ITGA11: variants seen among roughly 807,000 people sequenced by gnomAD.
ITGA11 encodes integrin alpha-11.
A neutral mutation model predicts 141.9 loss-of-function variants in ITGA11; 97 were observed. The observed-to-expected ratio is 0.68, with a 90% CI of 0.58 to 0.81. The LOEUF is 0.81. Among genes scored for constraint, ITGA11 ranks in the 30% least tolerant of loss-of-function variants. The pLI is 0.00. For missense variants in ITGA11, 1,387 were observed against 1,559.2 expected (o/e 0.89, Z 1.86); for synonymous variants, 658 against 624.6 (o/e 1.05, Z -0.80).
At chr15:68,329,618 T>C (rs1251010377) in intron 15 of ITGA11, among the ~76,000 whole-genome samples, 1 of 152,216 alleles carries the variant, frequency 6.6e-6, no homozygotes, top group Non-Finnish European at 1.5e-5. Context: ...TAGAGAAGTT[T>C]ATATGTTACT....
chr15:68,389,334 C>T (rs968056789), intron 2 of ITGA11, among the ~76,000 whole-genome samples: 1 of 152,214 alleles, frequency 6.6e-6, no homozygotes, highest in African/African-American at 2.4e-5. Flanking sequence ...CTCCCACCAA[C>T]CCACTTATGC....
chr15:68,353,305 A>C (rs931185578), intron 7 of ITGA11, among the ~76,000 whole-genome samples: 1 of 152,190 alleles, frequency 6.6e-6, no homozygotes, highest in African/African-American at 2.4e-5. Flanking sequence ...TAAAAAACCC[A>C]CTAATTTTAG....
Position 68,356,953 on chromosome 15 carries a change from T to C in ITGA11, c.749+198A>G. On this transcript the variant is annotated intron_variant, in intron 7 of 29. Transcript: ENST00000315757. The stretch of plus-strand genomic sequence containing the variant: ...ACCTTCAGATGACAACAGCCCAAGG[T>C]GACACCAGACTGCAACTACCTGAGA... The C allele has an allele frequency of 5.2e-6, 3 of 571,928 alleles. No individual in the cohort carries two copies. The South Asian group carries it at 6.5e-5, about 12-fold the overall frequency. The allele number at this position is 571,928 out of a possible 1,614,324, so 35.4% of individuals were successfully genotyped here. A position where few individuals can be genotyped will look rare whatever the true frequency, so the allele number is the denominator to read the frequency against.
intron 1 of ITGA11, among the ~76,000 whole-genome samples, chr15:68,431,051 G>C (rs964842725): frequency 4.6e-5 from 7 of 152,254 alleles, no homozygotes; most frequent in Admixed American, 1.3e-4. Flanking sequence ...GCCAGTAACC[G>C]AGGCGCTGGC....
intron 1 of ITGA11, among the ~76,000 whole-genome samples, chr15:68,413,543 C>T: frequency 6.6e-6 from 1 of 152,162 alleles, no homozygotes; most frequent in East Asian, 1.9e-4. Flanking sequence ...GAAGTTTGGA[C>T]TAGGGTGGGG....
At chr15:68,359,600 C>G (rs142757083) in intron 5 of ITGA11, among the ~76,000 whole-genome samples, 8 of 151,924 alleles carry the variant, frequency 5.3e-5, no homozygotes, top group African/African-American at 1.9e-4. Flanking sequence ...GAGCCAAGAT[C>G]GGGCCACTAC....
chr15:68,412,414 G>A (rs553725813), intron 1 of ITGA11, among the ~76,000 whole-genome samples: 2 of 152,290 alleles, frequency 1.3e-5, no homozygotes, highest in African/African-American at 4.8e-5. Context: ...CACCGGGCCT[G>A]ATGGCTGGGT....
rs139058747 is a variant in ITGA11 at position 68,419,715 on chromosome 15, C to T, written c.52+12300G>A. Among the ~76,000 whole-genome samples, 1,045 of 152,280 alleles carry T rather than the reference C, an allele frequency of 6.9e-3. 15 individuals carry two copies. Among genetic ancestry groups the T allele is most frequent in the African/African-American group, 0.023 (955 of 41,548 alleles). Reference sequence around the variant, plus strand: ...GCCAAACATTTATTTTAGAAGAGATCGAATGGAAGTCTTGAGAGGTTTGGA... The same window carrying T: ...GCCAAACATTTATTTTAGAAGAGATTGAATGGAAGTCTTGAGAGGTTTGGA... On this transcript the variant is annotated intron_variant, in intron 1 of 29. Transcript: ENST00000315757.
At chr15:68,347,921 TACACACACACAC>T in intron 10 of ITGA11, among the ~76,000 whole-genome samples, 1 of 151,086 alleles carries the variant, frequency 6.6e-6, no homozygotes, top group East Asian at 2.0e-4. Context: ...AGAACACACA[TACACACACACAC>T]ACACACACAC....
At chr15:68,337,677 G>C (rs1894409337) in intron 11 of ITGA11, among the ~76,000 whole-genome samples, 1 of 152,126 alleles carries the variant, frequency 6.6e-6, no homozygotes. Context: ...TGCTGGGCCA[G>C]GGGGATATTC....
At chr15:68,331,407 T>C (rs1894152809) in intron 14 of ITGA11, among the ~76,000 whole-genome samples, 1 of 152,170 alleles carries the variant, frequency 6.6e-6, no homozygotes, top group African/African-American at 2.4e-5. Flanking sequence ...TTTTTTAGGC[T>C]ATTTTACTGA....
chr15:68,415,847 T>G (rs1896875673), intron 1 of ITGA11, among the ~76,000 whole-genome samples: 1 of 152,204 alleles, frequency 6.6e-6, no homozygotes, highest in African/African-American at 2.4e-5. Context: ...ATGTGGATGC[T>G]CAGAAAGAGT....
At chr15:68,397,273 TAAATTAAAAATTTTAAAATAA>T (rs1896304147) in intron 2 of ITGA11, among the ~76,000 whole-genome samples, 1 of 8 alleles carries the variant, frequency 0.12, no homozygotes, top group African/African-American at 0.25. Context: ...ATAAAAATAT[TAAATTAAAAATTTTAAAATAA>T]TATTATATTA....
chr15:68,377,894 G>A (rs1895767832), intron 2 of ITGA11, among the ~76,000 whole-genome samples: 1 of 152,206 alleles, frequency 6.6e-6, no homozygotes, highest in Non-Finnish European at 1.5e-5. Flanking sequence ...GACACCTGGA[G>A]CCACTGTCCT....
At chr15:68,357,617 A>G (rs1895110701) in intron 6 of ITGA11, among the ~76,000 whole-genome samples, 2 of 152,210 alleles carry the variant, frequency 1.3e-5, no homozygotes, top group Non-Finnish European at 2.9e-5. Context: ...TAAGTCCAAA[A>G]AATTATGAAT....
chr15:68,328,529 G>A lies in ITGA11; in HGVS notation c.1902-267C>T, dbSNP rs1001764779. 1.3e-5 allele frequency among the ~76,000 whole-genome samples: 2 copies of A among 152,138 alleles called. No homozygotes were observed. Among genetic ancestry groups the A allele is most frequent in the Non-Finnish European group, 1.5e-5 (1 of 68,024 alleles). On this transcript the variant is annotated intron_variant, in intron 15 of 29. Coordinates refer to ENST00000315757, the MANE Select transcript of ITGA11 (RefSeq NM_001004439.2). This position sits in a 1 kb window ranked among gnomAD's most constrained non-coding sequence, Gnocchi z 4.8. Reference sequence around the variant, plus strand: ...GCACTTTCCCCGAGGGGCTGTGCTCGCTGTGGATCATGCTGACTTCCCTTT... The same window carrying A: ...GCACTTTCCCCGAGGGGCTGTGCTCACTGTGGATCATGCTGACTTCCCTTT...
intron 1 of ITGA11, among the ~76,000 whole-genome samples, chr15:68,425,245 G>T (rs1440969355): frequency 6.6e-6 from 1 of 152,226 alleles, no homozygotes; most frequent in Non-Finnish European, 1.5e-5. Context: ...CCTGTACAGT[G>T]GCTGAGGGCC....
At chr15:68,314,725 T>C (rs2414995) in intron 22 of ITGA11, among the ~76,000 whole-genome samples, 150,087 of 152,274 alleles carry the variant, frequency 0.99, 73,998 homozygotes, top group East Asian at 1. Context: ...AGGGAGGCCT[T>C]GCCAAGTTTG....
chr15:68,378,911 A>T (rs1895792276), intron 2 of ITGA11, among the ~76,000 whole-genome samples: 1 of 152,148 alleles, frequency 6.6e-6, no homozygotes, highest in African/African-American at 2.4e-5. Context: ...GCTGACATCC[A>T]AACAGTGCTT....
Sources: gnomAD v4.1 joint callset for allele counts (sites outside exome capture counted in the v4.1 genomes callset) on GRCh38, gnomAD v4.1.1 for gene constraint, Gnocchi (gnomAD v3.1) non-coding constraint, MANE v1.5 for transcripts, NCBI Gene and HGNC (gene_info 2026-07-23, HGNC 2026-07-21) for gene names.